MYO1B: variants seen among roughly 807,000 people sequenced by gnomAD.
MYO1B encodes the protein unconventional myosin-Ib.
MYO1B carries 72 observed loss-of-function variants against 159.7 expected under a neutral mutation model. The ratio of observed to expected loss-of-function variants is 0.45; its 90% CI spans 0.37 to 0.55. MYO1B has a LOEUF of 0.55. Ranked by LOEUF, MYO1B falls within the 20% of genes least tolerant of loss-of-function variation. MYO1B has a pLI of 0.00. For missense variants in MYO1B, 1,062 were observed against 1,364.8 expected, an observed-to-expected ratio of 0.78 and a Z score of 3.50; for synonymous variants, 468 against 473.8, an observed-to-expected ratio of 0.99 and a Z score of 0.16.
chr2:191,342,727 A>T (rs1293216495), intron 5 of MYO1B, among the ~76,000 whole-genome samples: 1 of 152,142 alleles, frequency 6.6e-6, no homozygotes, highest in Non-Finnish European at 1.5e-5. Flanking sequence ...CATGCCTGTA[A>T]TCCCAGCTAC....
chr2:191,332,282 G>C (rs1010678664), intron 4 of MYO1B, among the ~76,000 whole-genome samples: 1 of 151,866 alleles, frequency 6.6e-6, no homozygotes, highest in African/African-American at 2.4e-5. Flanking sequence ...TCTTAATGTG[G>C]ACTCTGAGCT....
chr2:191,374,350 G>A (rs1303247806), intron 13 of MYO1B, among the ~76,000 whole-genome samples: 2 of 152,142 alleles, frequency 1.3e-5, no homozygotes, highest in East Asian at 3.8e-4. Flanking sequence ...TTGTTCTGTT[G>A]TTCTTCAATT....
chr2:191,300,429 C>T (rs189616358), intron 3 of MYO1B, among the ~76,000 whole-genome samples: 293 of 151,408 alleles, frequency 1.9e-3, no homozygotes, highest in Admixed American at 4.2e-3. Flanking sequence ...CTGCAACCTC[C>T]ACCTCCCAGG....
At chr2:191,423,712 A>G in intron 30 of MYO1B, 125 bp from the exon 31 acceptor site, 1 of 980,692 alleles carries the variant, frequency 1.0e-6, no homozygotes, top group Non-Finnish European at 1.4e-6. Context: ...AGATTTTCGG[A>G]TTAGGTTAGG....
At chr2:191,378,329 A>C (rs887410278) in intron 13 of MYO1B, among the ~76,000 whole-genome samples, 2 of 151,544 alleles carry the variant, frequency 1.3e-5, no homozygotes, top group African/African-American at 4.9e-5. Flanking sequence ...TGTTTATTTC[A>C]CCTGGGTACA....
chr2:191,350,710 A>G (rs1692856656), intron 7 of MYO1B, among the ~76,000 whole-genome samples: 1 of 151,842 alleles, frequency 6.6e-6, no homozygotes, highest in African/African-American at 2.4e-5. Context: ...TATTTAAGTG[A>G]TTGGAATGTG....
intron 13 of MYO1B, among the ~76,000 whole-genome samples, chr2:191,375,199 G>A (rs1449410702): frequency 1.3e-5 from 2 of 152,160 alleles, no homozygotes. Flanking sequence ...TATATGGTAA[G>A]AGTATGATAG....
At chr2:191,290,852 G>C (rs1559143820) in intron 2 of MYO1B, among the ~76,000 whole-genome samples, 1 of 152,294 alleles carries the variant, frequency 6.6e-6, no homozygotes, top group East Asian at 1.9e-4. Flanking sequence ...TAGTTCCATA[G>C]GAGTATTTAA....
chr2:191,342,495 A>G (rs1391913502), intron 5 of MYO1B, among the ~76,000 whole-genome samples: 2 of 152,198 alleles, frequency 1.3e-5, no homozygotes, highest in South Asian at 2.1e-4. Flanking sequence ...ATCAGTATGA[A>G]CTACCTTGGC....
At chr2:191,344,422 C>T (rs1296331214) in intron 5 of MYO1B, among the ~76,000 whole-genome samples, 1 of 152,176 alleles carries the variant, frequency 6.6e-6, no homozygotes, top group Non-Finnish European at 1.5e-5. Flanking sequence ...GAATTTGCTG[C>T]CAGGGACCTA....
rs148397993 is a variant in MYO1B at position 191,272,064 on chromosome 2, C to T, written c.-9-4823C>T. On this transcript the variant is annotated intron_variant, in intron 1 of 30. Transcript: ENST00000392318. Reference sequence around the variant, plus strand: ...GAAATGCTGCTGTCAGTATTTTAAACGGTATTTTAACTTTGCAAAAGATAC... The same window carrying T: ...GAAATGCTGCTGTCAGTATTTTAAATGGTATTTTAACTTTGCAAAAGATAC... 1.3e-4 allele frequency among the ~76,000 whole-genome samples: 20 copies of T among 152,228 alleles called. No individual in the cohort carries two copies. In the East Asian group the frequency reaches 2.9e-3, roughly 22 times the overall value.
chr2:191,393,278 A>G (rs1695872152), intron 20 of MYO1B, 56 bp downstream of exon 20: 2 of 1,577,662 alleles, frequency 1.3e-6, no homozygotes, highest in South Asian at 1.1e-5. Context: ...GCCAACATTT[A>G]TTATGTACTT....
chr2:191,322,763 A>G (rs1420344633), intron 3 of MYO1B, among the ~76,000 whole-genome samples: 1 of 152,140 alleles, frequency 6.6e-6, no homozygotes, highest in African/African-American at 2.4e-5. Flanking sequence ...TTGTCCAATT[A>G]TGTGGGTGTT....
chr2:191,285,736 A>G (rs1688325706), intron 2 of MYO1B, among the ~76,000 whole-genome samples: 1 of 152,168 alleles, frequency 6.6e-6, no homozygotes, highest in Non-Finnish European at 1.5e-5. Context: ...GCAGGCATGA[A>G]AGAAACAAGG....
At chr2:191,283,088 A>G (rs764804652) in intron 2 of MYO1B, among the ~76,000 whole-genome samples, 9 of 152,226 alleles carry the variant, frequency 5.9e-5, no homozygotes, top group Non-Finnish European at 1.0e-4. Flanking sequence ...AGCACCATCT[A>G]TCTCTTGGAC....
At chr2:191,264,719 T>G (rs775097012) in intron 1 of MYO1B, among the ~76,000 whole-genome samples, 7 of 151,894 alleles carry the variant, frequency 4.6e-5, no homozygotes, top group Non-Finnish European at 1.0e-4. Context: ...CTGAGTAATG[T>G]CACTGAGAGA....
chr2:191,412,837 T>G (rs1697330374), intron 27 of MYO1B, among the ~76,000 whole-genome samples: 1 of 53,560 alleles, frequency 1.9e-5, no homozygotes, highest in Non-Finnish European at 1.0e-4. Context: ...AAAAATTAGT[T>G]TGTTTGGGAA....
chr2:191,277,850 C>T (rs1286740253), intron 2 of MYO1B, among the ~76,000 whole-genome samples: 1 of 152,102 alleles, frequency 6.6e-6, no homozygotes, highest in Non-Finnish European at 1.5e-5. Context: ...GTTCTCTTTC[C>T]TCCTTTTTAA....
At chr2:191,336,474 C>T (rs1241229543) in intron 4 of MYO1B, among the ~76,000 whole-genome samples, 1 of 152,172 alleles carries the variant, frequency 6.6e-6, no homozygotes, top group Non-Finnish European at 1.5e-5. Flanking sequence ...GACCCCTCTC[C>T]ATCCGTGTGT....
Sources: allele counts gnomAD v4.1 joint callset (sites outside exome capture counted in the v4.1 genomes callset), GRCh38; gene constraint gnomAD v4.1.1; transcripts MANE v1.5; gene names NCBI Gene and HGNC (gene_info 2026-07-23, HGNC 2026-07-21).